Variants in EFHC1 observed in about 807,000 individuals in gnomAD.
EFHC1 encodes EF-hand domain containing 1.
Under a neutral mutation model 69.9 loss-of-function variants are expected in EFHC1, and 53 were observed. The ratio of observed to expected loss-of-function variants is 0.76; its 90% CI spans 0.61 to 0.95. The LOEUF (loss-of-function observed/expected upper bound fraction) is 0.95, where lower values mean the gene tolerates loss of function less well. Ranked by LOEUF, EFHC1 falls within the 40% of genes least tolerant of loss-of-function variation. The pLI is 0.00. For missense variants in EFHC1, 739 were observed against 798.7 expected (o/e 0.93, Z 0.90); for synonymous variants, 256 against 278.4 (o/e 0.92, Z 0.80).
intron 7 of EFHC1, among the ~76,000 whole-genome samples, chr6:52,477,116 C>T (rs570871288): frequency 6.6e-6 from 1 of 152,000 alleles, no homozygotes; most frequent in Non-Finnish European, 1.5e-5. Flanking sequence ...CCCCCCCAAC[C>T]CCCCGGTATG....
rs528152467 is a variant in EFHC1 at position 52,482,276 on chromosome 6, G to A, written c.1640+2489G>A. On this transcript the variant is annotated intron_variant, in intron 9 of 10. Coordinates refer to ENST00000371068, the MANE Select transcript of EFHC1 (RefSeq NM_018100.4). ...GAGAATCACTTGAACCCAGGAGGCG[G>A]AGGTCGCAGTGAGCCAAGATTGCGC... The A allele has an allele frequency of 2.5e-3, 378 of 152,062 alleles. 2 individuals are homozygous for A. The highest frequency in any genetic ancestry group is 3.4e-3 in the Middle Eastern group (1 of 296). 9.4% of individuals were successfully genotyped at this position (152,062 alleles called of 1,614,324 possible).
intron 7 of EFHC1, 76 bp from the exon 8 acceptor site, chr6:52,478,961 C>A: frequency 1.5e-6 from 2 of 1,345,992 alleles, no homozygotes; most frequent in South Asian, 1.2e-5. Flanking sequence ...TATACCTGGC[C>A]CCTATAGGCA....
At chr6:52,449,720 A>G (rs940004763) in intron 3 of EFHC1, among the ~76,000 whole-genome samples, 1 of 152,138 alleles carries the variant, frequency 6.6e-6, no homozygotes, top group African/African-American at 2.4e-5. Context: ...TCTCTTCTAC[A>G]TTAGTCTAGC....
chr6:52,438,707 T>C lies in EFHC1; in HGVS notation c.573+116T>C, dbSNP rs1283191241. ...CATTGGTAATCTGTCCTGCATGAAT[T>C]ATTATGAATGGCTAGGTATTTGCAT... On this transcript the variant is annotated intron_variant, in intron 3 of 10. Transcript: ENST00000371068. 3.6e-6 allele frequency: 4 copies of C among 1,112,918 alleles called. No homozygotes were observed. The Admixed American group carries it at 7.4e-5, about 20-fold the overall frequency. 68.9% of individuals were successfully genotyped at this position (1,112,918 alleles called of 1,614,324 possible). A position where few individuals can be genotyped will look rare whatever the true frequency, so the allele number is the denominator to read the frequency against.
At chr6:52,444,079 GCT>G (rs974386663) in intron 3 of EFHC1, among the ~76,000 whole-genome samples, 2 of 152,094 alleles carry the variant, frequency 1.3e-5, no homozygotes, top group South Asian at 4.1e-4. Context: ...TCATGATTTG[GCT>G]CTCTGTTTGT....
At chr6:52,491,597 G>A (rs560107002) in intron 10 of EFHC1, among the ~76,000 whole-genome samples, 42 of 152,316 alleles carry the variant, frequency 2.8e-4, no homozygotes, top group Non-Finnish European at 5.4e-4. Flanking sequence ...AGACTGCCAC[G>A]GTTACTTGAG....
intron 2 of EFHC1, among the ~76,000 whole-genome samples, chr6:52,433,914 A>G (rs1029899845): frequency 6.6e-6 from 1 of 152,064 alleles, no homozygotes; most frequent in African/African-American, 2.4e-5. Flanking sequence ...TAGGAAGATT[A>G]TGGCTGCCTC....
chr6:52,423,805 C>A, intron 1 of EFHC1, 141 bp from the exon 2 acceptor site: 1 of 1,534,836 alleles, frequency 6.5e-7, no homozygotes, highest in South Asian at 1.2e-5. Flanking sequence ...CATGCCCAGC[C>A]TTAATGTTGG....
At chr6:52,478,952 A>C in intron 7 of EFHC1, 85 bp from the exon 8 acceptor site, 3 of 1,255,476 alleles carry the variant, frequency 2.4e-6, no homozygotes, top group Non-Finnish European at 2.3e-6. Flanking sequence ...TTTATATCCT[A>C]TACCTGGCCC....
At chr6:52,454,905 A>G (rs2113996985) in intron 5 of EFHC1, among the ~76,000 whole-genome samples, 1 of 152,152 alleles carries the variant, frequency 6.6e-6, no homozygotes, top group Non-Finnish European at 1.5e-5. Flanking sequence ...CAGCCTGGGC[A>G]ACGTGATGAA....
Position 52,465,020 on chromosome 6 carries a change from G to A in EFHC1, c.1042G>A (p.Asp348Asn). ...LGRTFFIYDC[D>N]PFTRRYYKEK... ...GAGAACTTTCTTCATTTATGATTGT[G>A]ATCCATTTACTCGACGGTATTACAA... is the stretch of plus-strand genomic sequence containing the variant. The change falls in exon 6 of 11, where the codon GAT (aspartate) becomes AAT (asparagine). Residue 348 changes from aspartate (D) to asparagine (N), a missense_variant. Physicochemically the swap from Asp to Asn is conservative, Grantham distance 23. Transcript: ENST00000371068. 6.2e-7 allele frequency: 1 copy of A among 1,614,132 alleles called. No homozygotes were observed. Among genetic ancestry groups the A allele is most frequent in the South Asian group, 1.1e-5 (1 of 91,080 alleles).
At chr6:52,490,626 A>G in intron 10 of EFHC1, 1 of 585,756 alleles carries the variant, frequency 1.7e-6, no homozygotes. Context: ...AGGGCAACAG[A>G]GACGATCCAG....
chr6:52,472,437 A>G (rs1164852725), intron 7 of EFHC1, among the ~76,000 whole-genome samples: 6 of 152,204 alleles, frequency 3.9e-5, no homozygotes. Flanking sequence ...GAACAATTGT[A>G]TATATAGAAA....
intron 1 of EFHC1, 189 bp from the exon 2 acceptor site, chr6:52,423,757 C>T (rs753798637): frequency 1.6e-5 from 22 of 1,399,570 alleles, no homozygotes; most frequent in Non-Finnish European, 2.1e-5. Context: ...TCTCCCTCTT[C>T]AGCCTCCCAG....
At chr6:52,448,527 G>C (rs1446902889) in intron 3 of EFHC1, among the ~76,000 whole-genome samples, 1 of 152,056 alleles carries the variant, frequency 6.6e-6, no homozygotes, top group Non-Finnish European at 1.5e-5. Context: ...TCCCAGATGA[G>C]GCAATGCCCT....
At position 52,469,469 on chromosome 6, in the gene EFHC1, T is replaced by G. The variant is rs529767823; in HGVS notation, c.1274T>G (p.Val425Gly). 11 of 1,613,836 alleles carry G rather than the reference T, an allele frequency of 6.8e-6. No homozygotes were observed. The African/African-American group carries it at 1.5e-4, about 22-fold the overall frequency. The change falls in exon 7 of 11, where the codon GTA becomes GGA. Residue 425 changes from valine to glycine, a missense_variant. Coordinates refer to ENST00000371068, the MANE Select transcript of EFHC1 (RefSeq NM_018100.4). ...NDNKVLRYLA[V>G]LESPIPEDKD... ...AACAAGGTGCTTCGTTATTTGGCTG[T>G]ACTGGTGAGGCTAATTTTTATATAC...
chr6:52,452,575 T>A, intron 3 of EFHC1, 113 bp from the exon 4 acceptor site: 1 of 1,253,932 alleles, frequency 8.0e-7, no homozygotes. Flanking sequence ...GTGCTGAGAT[T>A]GTAGGCCTGA....
At chr6:52,423,520 T>C (rs958168017) in intron 1 of EFHC1, among the ~76,000 whole-genome samples, 1 of 152,164 alleles carries the variant, frequency 6.6e-6, no homozygotes, top group African/African-American at 2.4e-5. Flanking sequence ...TTTTGTTTTT[T>C]TGAGACAGAG....
At chr6:52,439,592 AATAG>A (rs1388716572) in intron 3 of EFHC1, among the ~76,000 whole-genome samples, 1 of 152,182 alleles carries the variant, frequency 6.6e-6, no homozygotes, top group Non-Finnish European at 1.5e-5. Flanking sequence ...ATAGCAAATA[AATAG>A]ATTGGTTATA....
Sources: gnomAD v4.1 joint callset for allele counts (sites outside exome capture counted in the v4.1 genomes callset) on GRCh38, gnomAD v4.1.1 for gene constraint, MANE v1.5 for transcripts, NCBI Gene and HGNC (gene_info 2026-07-23, HGNC 2026-07-21) for gene names.